Variants in CSMD1 observed in about 807,000 individuals in gnomAD.
CSMD1 encodes CUB and sushi domain-containing protein 1.
A neutral mutation model predicts 417.5 loss-of-function variants in CSMD1; 213 were observed. The ratio of observed to expected loss-of-function variants is 0.51; its 90% CI spans 0.46 to 0.57. The LOEUF is 0.57. Among genes scored for constraint, CSMD1 ranks in the 20% least tolerant of loss-of-function variants. The pLI is 0.00. For missense variants in CSMD1, 6,923 were observed against 4,529.7 expected (o/e 1.53, Z -15.17); for synonymous variants, 2,862 against 1,736.8 (o/e 1.65, Z -16.11).
At chr8:3,388,839 T>A (rs935562957) in intron 17 of CSMD1, among the ~76,000 whole-genome samples, 5 of 151,346 alleles carry the variant, frequency 3.3e-5, no homozygotes, top group African/African-American at 1.2e-4. Context: ...GCTAGAAATC[T>A]ATTACCTACC....
chr8:4,285,634 G>C (rs1473692213), intron 3 of CSMD1, among the ~76,000 whole-genome samples: 3 of 152,188 alleles, frequency 2.0e-5, no homozygotes, highest in African/African-American at 7.2e-5. Flanking sequence ...AAATGGAATA[G>C]CACAGATGGT....
chr8:4,861,820 G>T (rs906549051), intron 1 of CSMD1, among the ~76,000 whole-genome samples: 1 of 152,002 alleles, frequency 6.6e-6, no homozygotes, highest in Admixed American at 6.6e-5. Flanking sequence ...AAAGAATTAT[G>T]TATTGATTTC....
At chr8:3,763,159 T>C (rs1169438874) in intron 5 of CSMD1, among the ~76,000 whole-genome samples, 2 of 152,178 alleles carry the variant, frequency 1.3e-5, no homozygotes, top group East Asian at 1.9e-4. Context: ...AGAGGTCTCT[T>C]CACCCACACT....
intron 3 of CSMD1, among the ~76,000 whole-genome samples, chr8:4,349,930 T>C (rs1800992807): frequency 6.6e-6 from 1 of 152,114 alleles, no homozygotes; most frequent in South Asian, 2.1e-4. Context: ...ATGACCTTTA[T>C]ACTGCCAAAC....
chr8:3,939,359 T>C (rs1810719721), intron 5 of CSMD1, among the ~76,000 whole-genome samples: 1 of 151,956 alleles, frequency 6.6e-6, no homozygotes. Context: ...GTCAAGAAAA[T>C]ATAAATGTTG....
chr8:3,080,779 T>C (rs2129002982), intron 49 of CSMD1, among the ~76,000 whole-genome samples: 1 of 152,294 alleles, frequency 6.6e-6, no homozygotes, highest in Admixed American at 6.5e-5. Context: ...GATATCAAAA[T>C]CTCTATTTTA....
chr8:4,438,344 C>T (rs528807233), intron 2 of CSMD1, among the ~76,000 whole-genome samples: 40 of 152,188 alleles, frequency 2.6e-4, no homozygotes, highest in Non-Finnish European at 4.6e-4. Flanking sequence ...TCTCTGAACT[C>T]TGTCCTGCAT....
At chr8:3,469,348 A>G (rs920752421) in intron 11 of CSMD1, 1 of 152,306 alleles carries the variant, frequency 6.6e-6, no homozygotes, top group South Asian at 2.1e-4. Flanking sequence ...AAAATATATT[A>G]TAGGTAATTA....
chr8:4,560,535 C>T (rs1798284833), intron 2 of CSMD1, among the ~76,000 whole-genome samples: 2 of 152,206 alleles, frequency 1.3e-5, no homozygotes, highest in Non-Finnish European at 2.9e-5. Flanking sequence ...TGCATGGAAA[C>T]CTCTGCTACC....
At chr8:4,828,720 A>C (rs1297832680) in intron 1 of CSMD1, among the ~76,000 whole-genome samples, 2 of 151,956 alleles carry the variant, frequency 1.3e-5, no homozygotes, top group African/African-American at 4.8e-5. Context: ...TAAAATCCTA[A>C]CGCTACTACT....
At chr8:3,515,041 C>G (rs565989991) in intron 10 of CSMD1, among the ~76,000 whole-genome samples, 2 of 152,224 alleles carry the variant, frequency 1.3e-5, no homozygotes, top group Admixed American at 6.5e-5. Flanking sequence ...AATCCATCGA[C>G]TATATTCGAC....
At chr8:3,110,837 T>C (rs1816466589) in intron 42 of CSMD1, among the ~76,000 whole-genome samples, 2 of 152,196 alleles carry the variant, frequency 1.3e-5, no homozygotes, top group African/African-American at 4.8e-5. Context: ...GATAATGCAA[T>C]GTAAGATTAT....
rs1563209046 is a variant in CSMD1, at chr8:4,717,586, A to ATCCATC, written c.86-80029_86-80028insGATGGA. Among the ~76,000 whole-genome samples, 109 of 147,018 alleles carry ATCCATC rather than the reference A, an allele frequency of 7.4e-4. 2 individuals carry two copies. The highest frequency in any genetic ancestry group is 7.3e-3 in the Middle Eastern group (2 of 274). ...TCTATCCATCCATCCATCCATCCAT[A>ATCCATC]CATCCATCCATCCATCCACAAGCAG... is the stretch of plus-strand genomic sequence containing the variant. On this transcript the variant is annotated intron_variant, in intron 1 of 69. Coordinates refer to ENST00000635120, the MANE Select transcript of CSMD1 (RefSeq NM_033225.6).
chr8:3,103,384 C>A (rs1306358956), intron 46 of CSMD1, among the ~76,000 whole-genome samples: 1 of 152,112 alleles, frequency 6.6e-6, no homozygotes, highest in Non-Finnish European at 1.5e-5. Context: ...GCCTGCTACA[C>A]AATTAAGCCA....
intron 42 of CSMD1, among the ~76,000 whole-genome samples, chr8:3,110,820 GAAGT>G (rs1233314297): frequency 6.6e-6 from 1 of 152,196 alleles, no homozygotes; most frequent in Non-Finnish European, 1.5e-5. Context: ...TATACCTGAA[GAAGT>G]AAGATAATGC....
At chr8:3,458,457 T>C (rs1303340295) in intron 12 of CSMD1, among the ~76,000 whole-genome samples, 1 of 152,188 alleles carries the variant, frequency 6.6e-6, no homozygotes, top group Non-Finnish European at 1.5e-5. Context: ...GTCCTGAATG[T>C]CAGCATATCT....
intron 25 of CSMD1, among the ~76,000 whole-genome samples, chr8:3,305,863 G>A (rs1239735128): frequency 6.6e-6 from 1 of 151,994 alleles, no homozygotes; most frequent in East Asian, 1.9e-4. Flanking sequence ...TGTATTTTTA[G>A]TAGAGAAGGG....
At chr8:4,839,009 G>A (rs79204960) in intron 1 of CSMD1, among the ~76,000 whole-genome samples, 9,489 of 152,232 alleles carry the variant, frequency 0.062, 350 homozygotes, top group African/African-American at 0.099. Flanking sequence ...TTAACATTCA[G>A]ACTTGTGGTT....
At chr8:4,301,788 C>T (rs894023940) in intron 3 of CSMD1, among the ~76,000 whole-genome samples, 1 of 152,196 alleles carries the variant, frequency 6.6e-6, no homozygotes, top group African/African-American at 2.4e-5. Flanking sequence ...ATTGTAAACT[C>T]TTGATTTTGC....
Sources: allele counts gnomAD v4.1 joint callset (sites outside exome capture counted in the v4.1 genomes callset), GRCh38; gene constraint gnomAD v4.1.1; transcripts MANE v1.5; gene names NCBI Gene and HGNC (gene_info 2026-07-23, HGNC 2026-07-21).